Variants in RBSN observed in about 807,000 individuals in gnomAD.
RBSN encodes the protein rabenosyn, RAB effector, also known as rabenosyn-5.
RBSN carries 34 observed loss-of-function variants against 60.5 expected under a neutral mutation model. The ratio of observed to expected loss-of-function variants is 0.56; its 90% CI spans 0.43 to 0.75. The LOEUF (loss-of-function observed/expected upper bound fraction) is 0.75. RBSN is among the 30% of genes least tolerant of loss of function. The pLI is 0.00. For missense variants in RBSN, 845 were observed against 986.8 expected (o/e 0.86, Z 1.92); for synonymous variants, 322 against 366.9 (o/e 0.88, Z 1.40).
intron 10 of RBSN, among the ~76,000 whole-genome samples, chr3:15,078,425 T>C (rs2043107445): frequency 1.3e-5 from 2 of 152,174 alleles, no homozygotes; most frequent in South Asian, 2.1e-4. Context: ...CCAAAACAAA[T>C]GCGGCTGAAT....
chr3:15,071,453 T>G lies in RBSN; in HGVS notation c.*2329A>C, dbSNP rs1317545333. The G allele has an allele frequency of 2.0e-5, 3 of 152,244 alleles. No individual in the cohort carries two copies. The highest frequency in any genetic ancestry group is 4.4e-5 in the Non-Finnish European group (3 of 68,034). 9.4% of individuals were successfully genotyped at this position (152,244 alleles called of 1,614,324 possible). A position where few individuals can be genotyped will look rare whatever the true frequency, so the allele number is the denominator to read the frequency against. ...TGGGCCTCAGGGAAGAAAAGAGGCC[T>G]GTACCAGGCAACATCTTAGATGCCT... On this transcript the variant is annotated 3_prime_UTR_variant, in exon 14 of 14. Coordinates refer to ENST00000253699, the MANE Select transcript of RBSN (RefSeq NM_022340.4).
At chr3:15,075,831 G>A (rs917760722) in intron 12 of RBSN, 121 bp from the exon 13 acceptor site, 7 of 756,120 alleles carry the variant, frequency 9.3e-6, no homozygotes, top group Admixed American at 7.0e-5. Flanking sequence ...GACATCATTT[G>A]ACAGCAGCTA....
Position 15,071,791 on chromosome 3 carries a change from C to G in RBSN, c.*1991G>C. On this transcript the variant is annotated 3_prime_UTR_variant, in exon 14 of 14. Transcript: ENST00000253699. Reference sequence around the variant, plus strand: ...AACAAAATGAATTTCAGCTTTCACACCAGTAACCAGTGAAAGTATGGCCTA... The same window carrying G: ...AACAAAATGAATTTCAGCTTTCACAGCAGTAACCAGTGAAAGTATGGCCTA... 1 of 152,656 alleles carries G rather than the reference C, an allele frequency of 6.6e-6. No individual in the cohort carries two copies. The highest frequency in any genetic ancestry group is 1.9e-4 in the East Asian group (1 of 5,200). 9.5% of individuals were successfully genotyped at this position (152,656 alleles called of 1,614,324 possible). A position where few individuals can be genotyped will look rare whatever the true frequency, so the allele number is the denominator to read the frequency against.
chr3:15,091,210 C>T, intron 4 of RBSN: 1 of 111,506 alleles, frequency 9.0e-6, no homozygotes, highest in Non-Finnish European at 1.2e-5. Context: ...GACCCTGTCT[C>T]AAAAAAAAAA....
chr3:15,075,280 T>C (rs1443312542), intron 13 of RBSN: 7 of 601,394 alleles, frequency 1.2e-5, no homozygotes, highest in Middle Eastern at 2.6e-4. Flanking sequence ...CTGTTTAATA[T>C]TGCATATACC....
Position 15,074,817 on chromosome 3 carries a change from A to G in RBSN, c.1320T>C (p.Ala440=), listed in dbSNP as rs201501367. 1 of 1,614,192 alleles carries G rather than the reference A, an allele frequency of 6.2e-7. No homozygotes were observed. Among genetic ancestry groups the G allele is most frequent in the South Asian group, 1.1e-5 (1 of 91,088 alleles). ...LRRGPAPLRK[A]EGWLPLSGGQ... ...CTCCTGACAGTGGGAGCCAGCCCTCAGCCTTTCTCAAGGGGGCAGGGCCCC... is the reference window on the plus strand; with the variant it reads ...CTCCTGACAGTGGGAGCCAGCCCTCGGCCTTTCTCAAGGGGGCAGGGCCCC... The change falls in exon 14 of 14, where the codon GCT becomes GCC. Residue 440 remains alanine, a synonymous_variant. Coordinates refer to ENST00000253699, the MANE Select transcript of RBSN (RefSeq NM_022340.4). The surrounding 1 kb of genome is among the most constrained non-coding windows in gnomAD (Gnocchi z 6.4).
intron 10 of RBSN, among the ~76,000 whole-genome samples, chr3:15,080,158 T>C (rs567224955): frequency 6.6e-6 from 1 of 151,806 alleles, no homozygotes; most frequent in East Asian, 1.9e-4. Flanking sequence ...GGCAGGAGAA[T>C]TGCTTGAACC....
intron 4 of RBSN, chr3:15,091,459 T>C (rs1280749177): frequency 7.8e-6 from 10 of 1,286,552 alleles, no homozygotes; most frequent in Non-Finnish European, 9.1e-6. Flanking sequence ...CATGTGAGAA[T>C]ACTTGCAAAA....
Position 15,096,213 on chromosome 3 carries a change from C to A in RBSN, c.-93G>T. Reference sequence around the variant, plus strand: ...GGAACCATGGTTCCCGCAGCATTAGCTTAAGCAGCACACAGATGGTGAGGA... The same window carrying A: ...GGAACCATGGTTCCCGCAGCATTAGATTAAGCAGCACACAGATGGTGAGGA... On this transcript the variant is annotated 5_prime_UTR_variant, in exon 4 of 14. Coordinates refer to ENST00000253699, the MANE Select transcript of RBSN (RefSeq NM_022340.4). 1 of 1,389,684 alleles carries A rather than the reference C, an allele frequency of 7.2e-7. No individual in the cohort carries two copies. The highest frequency in any genetic ancestry group is 9.5e-7 in the Non-Finnish European group (1 of 1,047,584). The allele number at this position is 1,389,684 out of a possible 1,614,324, so 86.1% of individuals were successfully genotyped here.
In RBSN at chr3:15,082,559, G is replaced by A. The variant is rs759817425; in HGVS notation, c.648C>T (p.Pro216=). 3.1e-6 allele frequency: 5 copies of A among 1,614,168 alleles called. No homozygotes were observed. In the Admixed American group the frequency reaches 8.3e-5, roughly 27 times the overall value. The change falls in exon 9 of 14, where the codon CCC becomes CCT. Residue 216 remains proline, a synonymous_variant. Coordinates refer to ENST00000253699, the MANE Select transcript of RBSN (RefSeq NM_022340.4). The surrounding 1 kb of genome is among the most constrained non-coding windows in gnomAD (Gnocchi z 4.2). The part of the protein sequence containing the change: ...SKESLSTHTS[P]SQSPNSVHGS... ...CATGGACACTGTTGGGTGACTGGCTGGGGCTGGTGTGGGTGCTCAGGGACT... is the reference window on the plus strand; with the variant it reads ...CATGGACACTGTTGGGTGACTGGCTAGGGCTGGTGTGGGTGCTCAGGGACT...
At position 15,074,888 on chromosome 3, in the gene RBSN, C is replaced by A. The variant is rs1381930582; in HGVS notation, c.1249G>T (p.Gly417Cys). Residue 417 changes from glycine (G) to cysteine (C), a missense_variant, in exon 14 of 14, where the codon GGC (glycine) becomes TGC (cysteine). Transcript: ENST00000253699. This position sits in a 1 kb window ranked among gnomAD's most constrained non-coding sequence, Gnocchi z 6.4. ...CCGTTGGCCGCTCGAGAAGCCAGGCCACTCTGCCTTTCCTCAAGCCTTCGC... is the reference window on the plus strand; with the variant it reads ...CCGTTGGCCGCTCGAGAAGCCAGGCAACTCTGCCTTTCCTCAAGCCTTCGC... ...SQRRLEERQS[G>C]LASRAANGEV... 2.5e-6 allele frequency: 4 copies of A among 1,613,654 alleles called. No homozygotes were observed. Among genetic ancestry groups the A allele is most frequent in the Non-Finnish European group, 3.4e-6 (4 of 1,179,858 alleles).
At chr3:15,079,954 G>A (rs1053893807) in intron 10 of RBSN, among the ~76,000 whole-genome samples, 1 of 152,194 alleles carries the variant, frequency 6.6e-6, no homozygotes, top group Non-Finnish European at 1.5e-5. Context: ...TAAAAAAGAA[G>A]CAGATGTTGG....
intron 5 of RBSN, 170 bp from the exon 6 acceptor site, chr3:15,086,131 T>A (rs746332871): frequency 1.6e-5 from 8 of 499,090 alleles, no homozygotes; most frequent in Non-Finnish European, 2.9e-5. Context: ...GGCATGGGTA[T>A]GTACGCCTAT....
intron 4 of RBSN, 180 bp downstream of exon 4, chr3:15,095,793 G>C (rs1673572687): frequency 1.3e-6 from 1 of 746,970 alleles, no homozygotes; most frequent in African/African-American, 1.8e-5. Flanking sequence ...TTATTGTGAG[G>C]ATTAAATGAA....
At position 15,098,231 on chromosome 3, in the gene RBSN, A is replaced by T. The variant is rs552668638; in HGVS notation, c.-457T>A. ...TAAAATCTGGGAGGGCACAGACTCT[A>T]TATGTTTTCCACTTCGCCGTCTCCC... On this transcript the variant is annotated 5_prime_UTR_variant, in exon 2 of 14. Coordinates refer to ENST00000253699, the MANE Select transcript of RBSN (RefSeq NM_022340.4). 1 of 152,222 alleles carries T rather than the reference A, an allele frequency of 6.6e-6. No individual in the cohort carries two copies. 9.4% of individuals were successfully genotyped at this position (152,222 alleles called of 1,614,324 possible).
chr3:15,087,680 G>A (rs1469185959), intron 5 of RBSN, among the ~76,000 whole-genome samples: 1 of 152,096 alleles, frequency 6.6e-6, no homozygotes, highest in Non-Finnish European at 1.5e-5. Flanking sequence ...ATGCAGTGGC[G>A]AAATCTCCAG....
In RBSN at chr3:15,084,025, T is replaced by A. The variant is rs2043275715; in HGVS notation, c.598+710A>T. 6.6e-6 allele frequency among the ~76,000 whole-genome samples: 1 copy of A among 152,234 alleles called. No homozygotes were observed. Among genetic ancestry groups the A allele is most frequent in the Non-Finnish European group, 1.5e-5 (1 of 68,028 alleles). Reference sequence around the variant, plus strand: ...GCCTTATAGGCTTATAGGCCAGAAATGGGCAAAAAATGACCTGTGAGCCAA... The same window carrying A: ...GCCTTATAGGCTTATAGGCCAGAAAAGGGCAAAAAATGACCTGTGAGCCAA... On this transcript the variant is annotated intron_variant, in intron 8 of 13. Transcript: ENST00000253699. The surrounding 1 kb of genome is among the most constrained non-coding windows in gnomAD (Gnocchi z 4.2).
At chr3:15,094,334 A>G (rs984039961) in intron 4 of RBSN, among the ~76,000 whole-genome samples, 1 of 152,336 alleles carries the variant, frequency 6.6e-6, no homozygotes, top group East Asian at 1.9e-4. Flanking sequence ...GGAAGCTGCA[A>G]TGCATGTTGT....
At chr3:15,085,227 G>A (rs998290278) in intron 6 of RBSN, among the ~76,000 whole-genome samples, 182 bp from the exon 7 acceptor site, 3 of 152,066 alleles carry the variant, frequency 2.0e-5, no homozygotes, top group Non-Finnish European at 4.4e-5. Flanking sequence ...TTTGCATCTA[G>A]AACCCACCTC....
Sources: gnomAD v4.1 joint callset for allele counts (sites outside exome capture counted in the v4.1 genomes callset) on GRCh38, gnomAD v4.1.1 for gene constraint, Gnocchi (gnomAD v3.1) non-coding constraint, MANE v1.5 for transcripts, NCBI Gene and HGNC (gene_info 2026-07-23, HGNC 2026-07-21) for gene names.